The following KCNIP4 variants were observed in gnomAD, a reference collection of about 807,000 sequenced individuals.
KCNIP4 encodes the protein potassium voltage-gated channel interacting protein 4.
Under a neutral mutation model 34.0 loss-of-function variants are expected in KCNIP4, and 12 were observed. The ratio of observed to expected loss-of-function variants is 0.35; its 90% CI spans 0.23 to 0.57. KCNIP4 has a LOEUF of 0.57. Ranked by LOEUF, KCNIP4 falls within the 20% of genes least tolerant of loss-of-function variation. KCNIP4 has a pLI of 0.83. For synonymous variants in KCNIP4, 124 were observed against 102.2 expected (o/e 1.21, Z -1.29); for missense variants, 238 against 311.7 (o/e 0.76, Z 1.78).
chr4:20,977,080 A>G (rs1023952305), intron 1 of KCNIP4, among the ~76,000 whole-genome samples: 2 of 152,074 alleles, frequency 1.3e-5, no homozygotes, highest in African/African-American at 4.8e-5. Flanking sequence ...TGATCCACAC[A>G]CCTCGGTCTC....
chr4:21,020,738 T>A (rs1485700002), intron 1 of KCNIP4, among the ~76,000 whole-genome samples: 1 of 152,200 alleles, frequency 6.6e-6, no homozygotes, highest in Non-Finnish European at 1.5e-5. Flanking sequence ...ACTATTATCA[T>A]GATTCACTCT....
chr4:20,833,510 T>C (rs1218696019), intron 3 of KCNIP4, among the ~76,000 whole-genome samples: 4 of 145,924 alleles, frequency 2.7e-5, no homozygotes, highest in Non-Finnish European at 6.0e-5. Flanking sequence ...AATAATACTT[T>C]AAAAAAATCT....
intron 3 of KCNIP4, among the ~76,000 whole-genome samples, chr4:20,775,072 T>C (rs1353689355): frequency 1.3e-5 from 2 of 152,206 alleles, no homozygotes; most frequent in African/African-American, 4.8e-5. Flanking sequence ...TACGTAATTA[T>C]TTAGCGTCTA....
chr4:21,603,899 T>C (rs957825413), intron 1 of KCNIP4, among the ~76,000 whole-genome samples: 1 of 152,136 alleles, frequency 6.6e-6, no homozygotes, highest in Non-Finnish European at 1.5e-5. Context: ...ACAAATTTAA[T>C]CTAGTAGACT....
At chr4:20,958,855 G>T (rs1733575968) in intron 1 of KCNIP4, among the ~76,000 whole-genome samples, 1 of 152,176 alleles carries the variant, frequency 6.6e-6, no homozygotes, top group African/African-American at 2.4e-5. Context: ...TACCAGCAGT[G>T]GCAGACACCT....
chr4:21,095,313 C>T (rs1747363873), intron 1 of KCNIP4, among the ~76,000 whole-genome samples: 1 of 152,146 alleles, frequency 6.6e-6, no homozygotes, highest in African/African-American at 2.4e-5. Context: ...AAGCTTCATT[C>T]CACTAGCATA....
At chr4:21,868,360 G>T (rs1725556803) in intron 1 of KCNIP4, among the ~76,000 whole-genome samples, 1 of 152,110 alleles carries the variant, frequency 6.6e-6, no homozygotes, top group African/African-American at 2.4e-5. Context: ...CCATAAATAT[G>T]TACAACTTTT....
chr4:21,012,107 C>A (rs1385532939), intron 1 of KCNIP4, among the ~76,000 whole-genome samples: 1 of 152,218 alleles, frequency 6.6e-6, no homozygotes, highest in Non-Finnish European at 1.5e-5. Flanking sequence ...TCCCATACAT[C>A]ATTCCACCAC....
At chr4:20,985,015 C>G (rs987285473) in intron 1 of KCNIP4, among the ~76,000 whole-genome samples, 1 of 152,192 alleles carries the variant, frequency 6.6e-6, no homozygotes, top group Non-Finnish European at 1.5e-5. Flanking sequence ...AGACCCTGTT[C>G]TGTGCCAGGA....
At chr4:20,760,914 A>G (rs552329263) in intron 3 of KCNIP4, among the ~76,000 whole-genome samples, 129 of 152,324 alleles carry the variant, frequency 8.5e-4, no homozygotes, top group African/African-American at 3.0e-3. Context: ...CATAGTGTCC[A>G]AGTGTTTGGT....
At chr4:21,338,461 G>C (rs1008436201) in intron 1 of KCNIP4, among the ~76,000 whole-genome samples, 4 of 149,678 alleles carry the variant, frequency 2.7e-5, no homozygotes, top group Non-Finnish European at 4.4e-5. Flanking sequence ...ATGATGTCTA[G>C]CCAGGCATAC....
intron 1 of KCNIP4, among the ~76,000 whole-genome samples, chr4:21,367,109 C>T (rs1161267924): frequency 6.6e-6 from 1 of 152,116 alleles, no homozygotes; most frequent in East Asian, 1.9e-4. Context: ...GTGGAGAGAA[C>T]AGCCCTTATC....
chr4:21,423,385 A>G (rs1725657258), intron 1 of KCNIP4, among the ~76,000 whole-genome samples: 1 of 152,242 alleles, frequency 6.6e-6, no homozygotes. Flanking sequence ...TAAATGAGAT[A>G]TAACTTCTAA....
At chr4:20,779,678 G>A (rs891719948) in intron 3 of KCNIP4, among the ~76,000 whole-genome samples, 1 of 149,846 alleles carries the variant, frequency 6.7e-6, no homozygotes, top group African/African-American at 2.5e-5. Flanking sequence ...TTATCCAAGT[G>A]GGCCTTTTAG....
Position 21,803,680 on chromosome 4 carries a change from T to G in KCNIP4, c.61+144891A>C, listed in dbSNP as rs1438901998. Among the ~76,000 whole-genome samples, 7 of 152,224 alleles carry G rather than the reference T, an allele frequency of 4.6e-5. No individual in the cohort carries two copies. The East Asian group carries it at 1.4e-3, about 29-fold the overall frequency. ...CCCTTTGCCCTTCCCACCTTTCCCC[T>G]TGTCTGTCCTTCTTACCTCTCAGTT... On this transcript the variant is annotated intron_variant, in intron 1 of 8. Coordinates refer to ENST00000382152, the MANE Select transcript of KCNIP4 (RefSeq NM_025221.6).
intron 1 of KCNIP4, among the ~76,000 whole-genome samples, chr4:21,814,973 T>C (rs1397318076): frequency 6.6e-6 from 1 of 152,174 alleles, no homozygotes; most frequent in East Asian, 1.9e-4. Context: ...TCCTCCTTCT[T>C]AAGGCCATTT....
At chr4:21,247,972 C>CAT (rs1207663101) in intron 1 of KCNIP4, among the ~76,000 whole-genome samples, 5 of 109,828 alleles carry the variant, frequency 4.6e-5, no homozygotes, top group South Asian at 3.0e-4. Context: ...TATACACACA[C>CAT]ATATATATAT....
intron 1 of KCNIP4, among the ~76,000 whole-genome samples, chr4:20,888,081 AATAAT>A (rs1288947182): frequency 6.6e-6 from 1 of 152,054 alleles, no homozygotes; most frequent in Non-Finnish European, 1.5e-5. Flanking sequence ...AGCAGTAAAA[AATAAT>A]ATAAGAAGGT....
intron 1 of KCNIP4, among the ~76,000 whole-genome samples, chr4:21,309,701 A>T (rs1344693420): frequency 6.6e-6 from 1 of 152,192 alleles, no homozygotes; most frequent in Non-Finnish European, 1.5e-5. Flanking sequence ...TGGAGGCCTC[A>T]TTGGGTTATA....
Sources: gnomAD v4.1 joint callset for allele counts (sites outside exome capture counted in the v4.1 genomes callset) on GRCh38, gnomAD v4.1.1 for gene constraint, MANE v1.5 for transcripts, NCBI Gene and HGNC (gene_info 2026-07-23, HGNC 2026-07-21) for gene names.